Variants in PBRM1 observed in about 807,000 individuals in gnomAD.
The protein encoded by PBRM1 is protein polybromo-1.
In PBRM1, 27 loss-of-function variants were observed where a neutral mutation model predicts 194.5. The ratio of observed to expected loss-of-function variants is 0.14; its 90% CI spans 0.10 to 0.19. The LOEUF (loss-of-function observed/expected upper bound fraction) is 0.19, where lower values mean the gene tolerates loss of function less well. Ranked by LOEUF, PBRM1 falls within the 10% of genes least tolerant of loss-of-function variation. PBRM1 has a pLI of 1.00. For missense variants in PBRM1, 1,466 were observed against 2,077.2 expected (o/e 0.71, Z 5.72); for synonymous variants, 655 against 693.2 (o/e 0.94, Z 0.87).
Position 52,643,360 on chromosome 3 carries a change from T to G in PBRM1, c.900-17A>C. On this transcript the variant is annotated splice_polypyrimidine_tract_variant and intron_variant, in intron 8 of 29. Transcript: ENST00000296302. ...GATGGAGTCCTATCCAGAGATAAGATAAAAAGCTTAGAAACTTGGTAGCTG... is the reference window on the plus strand; with the variant it reads ...GATGGAGTCCTATCCAGAGATAAGAGAAAAAGCTTAGAAACTTGGTAGCTG... 6.4e-7 allele frequency: 1 copy of G among 1,565,072 alleles called. No homozygotes were observed. Among genetic ancestry groups the G allele is most frequent in the Non-Finnish European group, 8.8e-7 (1 of 1,135,800 alleles).
intron 22 of PBRM1, among the ~76,000 whole-genome samples, chr3:52,567,693 T>A (rs1260997231): frequency 6.6e-6 from 1 of 151,704 alleles, no homozygotes; most frequent in Non-Finnish European, 1.5e-5. Context: ...CTTTTCTTTT[T>A]TGATCTCAGC....
chr3:52,652,338 C>G (rs1015407233), intron 5 of PBRM1, among the ~76,000 whole-genome samples: 1 of 147,810 alleles, frequency 6.8e-6, no homozygotes, highest in Non-Finnish European at 1.5e-5. Flanking sequence ...GAGCTGAGAT[C>G]GTGCCATTAT....
chr3:52,658,184 A>G lies in PBRM1; in HGVS notation c.645+15T>C, dbSNP rs1175840699. ...AAAACACTGACATGTACCTGTTTTT[A>G]ACTGCATCACTTACCACTTTAGAAG... On this transcript the variant is annotated intron_variant, in intron 5 of 29. Transcript: ENST00000296302. The G allele has an allele frequency of 5.0e-6, 6 of 1,200,840 alleles. No individual in the cohort carries two copies. Among genetic ancestry groups the G allele is most frequent in the African/African-American group, 3.0e-5 (2 of 66,824 alleles). The allele number at this position is 1,200,840 out of a possible 1,614,324, so 74.4% of individuals were successfully genotyped here. A position where few individuals can be genotyped will look rare whatever the true frequency, so the allele number is the denominator to read the frequency against.
chr3:52,666,657 G>A (rs774206592), intron 3 of PBRM1, among the ~76,000 whole-genome samples: 10 of 152,168 alleles, frequency 6.6e-5, no homozygotes, highest in Non-Finnish European at 1.0e-4. Flanking sequence ...TTGGGAGACC[G>A]AGGCGGGTCA....
At chr3:52,562,932 C>G (rs182692692) in intron 24 of PBRM1, among the ~76,000 whole-genome samples, 2 of 152,190 alleles carry the variant, frequency 1.3e-5, no homozygotes, top group East Asian at 3.9e-4. Context: ...TAAAAAGACA[C>G]GGGTAATAAA....
At chr3:52,617,983 A>G (rs1467788489) in intron 13 of PBRM1, among the ~76,000 whole-genome samples, 1 of 152,212 alleles carries the variant, frequency 6.6e-6, no homozygotes, top group African/African-American at 2.4e-5. Flanking sequence ...TAAAAAGAGA[A>G]GTGTTTCATC....
At chr3:52,611,561 T>C (rs1485542979) in intron 15 of PBRM1, among the ~76,000 whole-genome samples, 3 of 152,180 alleles carry the variant, frequency 2.0e-5, no homozygotes, top group African/African-American at 7.2e-5. Flanking sequence ...ACTAGTACTA[T>C]GGGAGGCCAA....
rs772833716 is a variant in PBRM1, at chr3:52,586,565, C to T, written c.3247G>A (p.Val1083Ile). Residue 1083 changes from valine (V) to isoleucine (I), a missense_variant, in exon 20 of 30, where the codon GTC (valine) becomes ATC (isoleucine). Val to Ile is a conservative substitution (Grantham distance 29, BLOSUM62 3). Transcript: ENST00000296302. ...GGCACATCCCGAGGGACAAACCTGA[C>T]TGAGCTGATGGGCATGGTCCACAGT... 5 of 1,613,942 alleles carry T rather than the reference C, an allele frequency of 3.1e-6. No individual in the cohort carries two copies. The South Asian group carries it at 5.5e-5, about 18-fold the overall frequency.
At chr3:52,668,801 A>G (rs1400685871) in intron 2 of PBRM1, among the ~76,000 whole-genome samples, 156 bp from the exon 4 acceptor site, 220 of 148,178 alleles carry the variant, frequency 1.5e-3, no homozygotes, top group African/African-American at 4.5e-3. Context: ...AAAAAAAAAG[A>G]AAAAAATCTG....
chr3:52,677,628 G>C lies in PBRM1; in HGVS notation c.236+872C>G, dbSNP rs555206120. The stretch of plus-strand genomic sequence containing the variant: ...GGGTTTCACCACGTTGGCCAGGCTG[G>C]TCTCAAACTGCTGACCTCAGCTGAT... On this transcript the variant is annotated intron_variant, in intron 2 of 29. Coordinates refer to ENST00000296302, the Ensembl canonical transcript of PBRM1. Among the ~76,000 whole-genome samples, 5 of 152,120 alleles carry C rather than the reference G, an allele frequency of 3.3e-5. No homozygotes were observed. In the South Asian group the frequency reaches 1.0e-3, roughly 31 times the overall value.
chr3:52,638,346 A>T (rs1325818655), intron 10 of PBRM1, among the ~76,000 whole-genome samples: 1 of 151,504 alleles, frequency 6.6e-6, no homozygotes, highest in Non-Finnish European at 1.5e-5. Flanking sequence ...CTAAGTGGGA[A>T]TATTTCATTT....
intron 2 of PBRM1, among the ~76,000 whole-genome samples, chr3:52,671,790 C>G (rs960878066): frequency 6.6e-6 from 1 of 152,130 alleles, no homozygotes; most frequent in Non-Finnish European, 1.5e-5. Context: ...TTGGCCATGG[C>G]TAATTTGCTA....
In PBRM1 at chr3:52,571,852, TCC is replaced by T. The variant is rs201818317; in HGVS notation, c.3691+4687_3691+4688del. ...GCCTGAGCAAGAGGGATACCTCATC[TCC>T]CCAAAAAAAAAAAAAAAAAAAAAAA... On this transcript the variant is annotated intron_variant, in intron 22 of 29. Transcript: ENST00000296302. Among the ~76,000 whole-genome samples, 149 of 49,136 alleles carry T rather than the reference TCC, an allele frequency of 3.0e-3. 27 individuals are homozygous for T. The highest frequency in any genetic ancestry group is 8.4e-3 in the Admixed American group (23 of 2,748). 32.2% of individuals were successfully genotyped at this position (49,136 alleles called of 152,430 possible).
Position 52,636,757 on chromosome 3 carries a change from CAAAAAAAAAAAA to C in PBRM1, c.1088-1954_1088-1943del, listed in dbSNP as rs567776784. Reference sequence around the variant, plus strand: ...GGGCAAAAGAGTGAAACTCTGTCTCCAAAAAAAAAAAAAAAAAAAAAAAAAAAAAGAATTTAA... The same window carrying C: ...GGGCAAAAGAGTGAAACTCTGTCTCCAAAAAAAAAAAAAAAAAGAATTTAA... On this transcript the variant is annotated intron_variant, in intron 10 of 29. Transcript: ENST00000296302. Among the ~76,000 whole-genome samples, 37 of 18,682 alleles carry C rather than the reference CAAAAAAAAAAAA, an allele frequency of 2.0e-3. 1 individual carries two copies. Among genetic ancestry groups the C allele is most frequent in the Admixed American group, 0.013 (15 of 1,150 alleles). 12.3% of individuals were successfully genotyped at this position (18,682 alleles called of 152,430 possible).
At chr3:52,590,958 A>G (rs1177238879) in intron 17 of PBRM1, among the ~76,000 whole-genome samples, 3 of 152,130 alleles carry the variant, frequency 2.0e-5, no homozygotes, top group Admixed American at 1.3e-4. Flanking sequence ...AGTAATTCTC[A>G]TTGTAGGGAT....
chr3:52,591,403 G>A (rs1331507548), intron 17 of PBRM1, among the ~76,000 whole-genome samples: 1 of 151,566 alleles, frequency 6.6e-6, no homozygotes, highest in Non-Finnish European at 1.5e-5. Context: ...GTAATAGATG[G>A]CTCTTATTAT....
intron 22 of PBRM1, among the ~76,000 whole-genome samples, chr3:52,565,999 G>T (rs762014483): frequency 6.6e-6 from 1 of 151,566 alleles, no homozygotes; most frequent in Non-Finnish European, 1.5e-5. Context: ...GCAGTGAGCC[G>T]AGATTGCGCC....
intron 12 of PBRM1, among the ~76,000 whole-genome samples, chr3:52,628,076 T>A (rs2095501248): frequency 6.6e-6 from 1 of 152,180 alleles, no homozygotes; most frequent in Non-Finnish European, 1.5e-5. Flanking sequence ...AGATGAACCA[T>A]GACCTGAGAC....
In PBRM1 at chr3:52,564,237, A is replaced by G. The variant is rs764713421; in HGVS notation, c.3692-4T>C. ...AATGACAACACAGCACACTTTCCTG[A>G]AAGAGAAAATTAGAAAGAAATTAAA... is the stretch of plus-strand genomic sequence containing the variant. On this transcript the variant is annotated splice_region_variant and splice_polypyrimidine_tract_variant and intron_variant, in intron 22 of 29. Transcript: ENST00000296302. 5.6e-6 allele frequency: 9 copies of G among 1,606,878 alleles called. No individual in the cohort carries two copies. The highest frequency in any genetic ancestry group is 7.7e-6 in the Non-Finnish European group (9 of 1,174,554).
Sources: gnomAD v4.1 joint callset for allele counts (sites outside exome capture counted in the v4.1 genomes callset) on GRCh38, gnomAD v4.1.1 for gene constraint, MANE v1.5 for transcripts, NCBI Gene and HGNC (gene_info 2026-07-23, HGNC 2026-07-21) for gene names.